LRRC17: variants seen among roughly 807,000 people sequenced by gnomAD.
LRRC17 encodes the protein leucine rich repeat containing 17.
In LRRC17, 33 loss-of-function variants were observed where a neutral mutation model predicts 41.5. The ratio of observed to expected loss-of-function variants is 0.80; its 90% CI spans 0.60 to 1.06. LRRC17 has a LOEUF of 1.06. Ranked by LOEUF, LRRC17 falls within the 50% of genes least tolerant of loss-of-function variation. The pLI, the probability that LRRC17 is intolerant of heterozygous loss-of-function variation, is 0.00. For synonymous variants in LRRC17, 192 were observed against 197.0 expected (o/e 0.97, Z 0.21); for missense variants, 491 against 519.3 (o/e 0.95, Z 0.53).
At chr7:102,928,969 G>A (rs1818637829) in intron 1 of LRRC17, among the ~76,000 whole-genome samples, 1 of 152,016 alleles carries the variant, frequency 6.6e-6, no homozygotes, top group Admixed American at 6.6e-5. Flanking sequence ...GACCCTGAAG[G>A]GTACTTTTGA....
At chr7:102,926,014 G>A (rs999569797) in intron 1 of LRRC17, among the ~76,000 whole-genome samples, 1 of 151,648 alleles carries the variant, frequency 6.6e-6, no homozygotes, top group Non-Finnish European at 1.5e-5. Flanking sequence ...TGCCCAGAAT[G>A]GGGGACCAGA....
intron 1 of LRRC17, among the ~76,000 whole-genome samples, chr7:102,929,601 T>C (rs1472012636): frequency 6.7e-6 from 1 of 148,230 alleles, no homozygotes; most frequent in African/African-American, 2.5e-5. Context: ...GAGGTGGAGG[T>C]TGTAGTGAGC....
At chr7:102,920,103 A>G (rs775700579) in intron 1 of LRRC17, among the ~76,000 whole-genome samples, 51 of 152,370 alleles carry the variant, frequency 3.3e-4, no homozygotes, top group African/African-American at 4.8e-4. Flanking sequence ...GAAGTGTATT[A>G]GATCACTGTG....
intron 1 of LRRC17, among the ~76,000 whole-genome samples, chr7:102,930,581 G>A: frequency 6.6e-6 from 1 of 152,286 alleles, no homozygotes; most frequent in Non-Finnish European, 1.5e-5. Flanking sequence ...ACAATGCATT[G>A]TTCAGTCCTT....
chr7:102,926,188 G>T, intron 1 of LRRC17: 1 of 1,075,240 alleles, frequency 9.3e-7, no homozygotes, highest in Non-Finnish European at 1.4e-6. Context: ...GATAAAGGGA[G>T]CACTGCCCTT....
intron 1 of LRRC17, among the ~76,000 whole-genome samples, chr7:102,919,875 A>G (rs1816652666): frequency 6.6e-6 from 1 of 152,238 alleles, no homozygotes; most frequent in South Asian, 2.1e-4. Flanking sequence ...AGGCTAAAGA[A>G]TAAGTAAGCT....
chr7:102,939,679 G>C (rs954493936), intron 3 of LRRC17, 94 bp downstream of exon 3: 1 of 1,086,810 alleles, frequency 9.2e-7, no homozygotes, highest in African/African-American at 1.6e-5. Flanking sequence ...CAGTTTAAAA[G>C]TAACTGAACT....
intron 2 of LRRC17, among the ~76,000 whole-genome samples, chr7:102,935,924 G>T (rs1369551665): frequency 6.6e-6 from 1 of 152,136 alleles, no homozygotes; most frequent in Non-Finnish European, 1.5e-5. Flanking sequence ...GGCTCCTCTC[G>T]AGAGAATGTT....
chr7:102,916,034 A>G (rs969123569), intron 1 of LRRC17, among the ~76,000 whole-genome samples: 1 of 150,344 alleles, frequency 6.7e-6, no homozygotes, highest in Non-Finnish European at 1.5e-5. Context: ...CCCAGGCTGG[A>G]GTGCAATGGC....
intron 1 of LRRC17, among the ~76,000 whole-genome samples, chr7:102,917,333 G>C (rs1231041701): frequency 6.6e-6 from 1 of 152,072 alleles, no homozygotes; most frequent in Non-Finnish European, 1.5e-5. Context: ...AAAACAATTG[G>C]ATACTACTCC....
intron 1 of LRRC17, among the ~76,000 whole-genome samples, chr7:102,929,777 G>A (rs2129472744): frequency 6.6e-6 from 1 of 152,148 alleles, no homozygotes; most frequent in Non-Finnish European, 1.5e-5. Flanking sequence ...TGATGGGCAT[G>A]GGTTCTGTTA....
At chr7:102,926,068 G>A (rs1396026897) in intron 1 of LRRC17, among the ~76,000 whole-genome samples, 2 of 152,124 alleles carry the variant, frequency 1.3e-5, no homozygotes, top group East Asian at 3.8e-4. Flanking sequence ...GCACATTGCT[G>A]TAAGAGTCAC....
chr7:102,927,135 C>T (rs1013185016), intron 1 of LRRC17, among the ~76,000 whole-genome samples: 1 of 152,132 alleles, frequency 6.6e-6, no homozygotes. Context: ...TTTACAAGAC[C>T]AGATGAATTG....
intron 2 of LRRC17, among the ~76,000 whole-genome samples, chr7:102,935,526 C>T (rs373691083): frequency 1.2e-4 from 18 of 152,100 alleles, no homozygotes; most frequent in African/African-American, 4.3e-4. Context: ...TAGAATATTA[C>T]CTACTTCCTG....
At chr7:102,922,965 G>A (rs530614600) in intron 1 of LRRC17, among the ~76,000 whole-genome samples, 1 of 152,156 alleles carries the variant, frequency 6.6e-6, no homozygotes, top group East Asian at 1.9e-4. Flanking sequence ...GCGACAGAGC[G>A]AGACTCCGTC....
intron 1 of LRRC17, among the ~76,000 whole-genome samples, chr7:102,914,525 C>T (rs933574279): frequency 5.3e-5 from 8 of 152,236 alleles, no homozygotes; most frequent in Non-Finnish European, 1.0e-4. Context: ...TTCTCTGCCT[C>T]TCAAAATCAC....
chr7:102,920,002 G>A (rs144438877), intron 1 of LRRC17, among the ~76,000 whole-genome samples: 1 of 152,292 alleles, frequency 6.6e-6, no homozygotes, highest in Non-Finnish European at 1.5e-5. Flanking sequence ...AAAGTTAAAT[G>A]ATTAGCAAAA....
At chr7:102,927,472 T>A (rs1396823801) in intron 1 of LRRC17, among the ~76,000 whole-genome samples, 20 of 152,070 alleles carry the variant, frequency 1.3e-4, no homozygotes, top group Admixed American at 1.1e-3. Context: ...ATCATTGAGG[T>A]TTAACATTCC....
intron 1 of LRRC17, among the ~76,000 whole-genome samples, chr7:102,924,256 A>T (rs1046443925): frequency 1.4e-4 from 22 of 151,878 alleles, no homozygotes; most frequent in African/African-American, 5.3e-4. Flanking sequence ...AAAAAAAAAA[A>T]GTAAAACTAT....
Sources: allele counts gnomAD v4.1 joint callset (sites outside exome capture counted in the v4.1 genomes callset), GRCh38; gene constraint gnomAD v4.1.1; transcripts MANE v1.5; gene names NCBI Gene and HGNC (gene_info 2026-07-23, HGNC 2026-07-21).